Variants in C10orf90 observed in about 807,000 individuals in gnomAD.
The protein encoded by C10orf90 is (E2-independent) E3 ubiquitin-conjugating enzyme FATS.
C10orf90 carries 56 observed loss-of-function variants against 62.5 expected under a neutral mutation model. The observed-to-expected ratio is 0.90, with a 90% CI of 0.72 to 1.12. The LOEUF (loss-of-function observed/expected upper bound fraction) is 1.12, where lower values mean the gene tolerates loss of function less well. Ranked by LOEUF, C10orf90 falls within the 50% of genes most tolerant of loss-of-function variation. The pLI is 0.00. For missense variants in C10orf90, 970 were observed against 880.4 expected (o/e 1.10, Z -1.29); for synonymous variants, 386 against 340.4 (o/e 1.13, Z -1.47).
intron 8 of C10orf90, among the ~76,000 whole-genome samples, chr10:126,428,444 G>A (rs1275879541): frequency 3.9e-5 from 6 of 152,118 alleles, no homozygotes; most frequent in Admixed American, 3.9e-4. Context: ...TGATTCTGTG[G>A]GTGAGCCAGA....
rs375798404 is a variant in C10orf90, at chr10:126,563,308, C to T, written c.314-49369G>A. Among the ~76,000 whole-genome samples, 49 of 152,328 alleles carry T rather than the reference C, an allele frequency of 3.2e-4. No individual in the cohort carries two copies. In the South Asian group the frequency reaches 0.01, roughly 32 times the overall value. ...CGCATCTGGCCTGTGACAGAATGAG[C>T]CTTGAGACCCCAGCTTTTACCCCCA... On this transcript the variant is annotated intron_variant, in intron 2 of 9. Coordinates refer to ENST00000488181, the MANE Select transcript of C10orf90 (RefSeq NM_001350921.2).
At chr10:126,543,603 CCT>C (rs1262103531) in intron 2 of C10orf90, among the ~76,000 whole-genome samples, 1 of 152,152 alleles carries the variant, frequency 6.6e-6, no homozygotes, top group East Asian at 1.9e-4. Flanking sequence ...GACCCCATTC[CCT>C]GAGACCAAGC....
chr10:126,495,685 A>T (rs997215213), intron 4 of C10orf90, among the ~76,000 whole-genome samples: 8 of 152,216 alleles, frequency 5.3e-5, no homozygotes, highest in African/African-American at 1.7e-4. Context: ...TTGCTTTAAG[A>T]TTATTAGGAA....
At chr10:126,530,297 A>G (rs1379432207) in intron 2 of C10orf90, among the ~76,000 whole-genome samples, 1 of 152,178 alleles carries the variant, frequency 6.6e-6, no homozygotes, top group Admixed American at 6.5e-5. Context: ...AATGATAGAA[A>G]AACTTGACAA....
At chr10:126,586,011 C>T (rs1844862964) in intron 2 of C10orf90, among the ~76,000 whole-genome samples, 1 of 152,230 alleles carries the variant, frequency 6.6e-6, no homozygotes, top group African/African-American at 2.4e-5. Context: ...AGAGAAGCGA[C>T]TTAACTCTAC....
At chr10:126,579,703 A>G (rs1171640867) in intron 2 of C10orf90, among the ~76,000 whole-genome samples, 2 of 151,966 alleles carry the variant, frequency 1.3e-5, no homozygotes, top group African/African-American at 4.8e-5. Context: ...ACTGAAATCT[A>G]CCATCACTTT....
At chr10:126,508,130 T>C (rs1479907558) in intron 3 of C10orf90, among the ~76,000 whole-genome samples, 1 of 147,964 alleles carries the variant, frequency 6.8e-6, no homozygotes, top group African/African-American at 2.5e-5. Context: ...ACTGCCTGCA[T>C]AGAAACCACC....
At chr10:126,556,824 C>A (rs766718863) in intron 2 of C10orf90, among the ~76,000 whole-genome samples, 1 of 151,950 alleles carries the variant, frequency 6.6e-6, no homozygotes, top group Non-Finnish European at 1.5e-5. Context: ...GAAGTTCAAA[C>A]ACTGTGAACA....
intron 2 of C10orf90, among the ~76,000 whole-genome samples, chr10:126,538,815 T>A (rs553036630): frequency 6.6e-6 from 1 of 152,324 alleles, no homozygotes; most frequent in South Asian, 2.1e-4. Context: ...ATTCTAGATA[T>A]GGCTCCCATC....
intron 2 of C10orf90, among the ~76,000 whole-genome samples, chr10:126,581,460 A>T (rs1371963874): frequency 6.6e-6 from 1 of 152,190 alleles, no homozygotes; most frequent in East Asian, 1.9e-4. Context: ...TTCTTCAGGG[A>T]TGCTGCACTC....
rs570481635 is a variant in C10orf90, at chr10:126,452,302, A to C, written c.2188+6738T>G. Among the ~76,000 whole-genome samples the C allele has an allele frequency of 2.4e-4, 37 of 152,312 alleles. No homozygotes were observed. In the East Asian group the frequency reaches 3.7e-3, roughly 15 times the overall value. Reference sequence around the variant, plus strand: ...AGGAATTTTATCAATGACTTGAATCACAACCTCACCATAAAACAGCTACAT... The same window carrying C: ...AGGAATTTTATCAATGACTTGAATCCCAACCTCACCATAAAACAGCTACAT... On this transcript the variant is annotated intron_variant, in intron 7 of 9. Transcript: ENST00000488181.
chr10:126,466,695 G>A (rs1161623349), intron 4 of C10orf90, among the ~76,000 whole-genome samples: 1 of 152,134 alleles, frequency 6.6e-6, no homozygotes, highest in African/African-American at 2.4e-5. Context: ...ACCAAGAGGG[G>A]AAGAAACCCA....
intron 2 of C10orf90, among the ~76,000 whole-genome samples, chr10:126,565,088 T>C (rs1564873945): frequency 7.7e-5 from 2 of 25,842 alleles, no homozygotes; most frequent in Non-Finnish European, 1.5e-4. Flanking sequence ...ATATAAAATA[T>C]ATATTATATA....
At chr10:126,560,131 TC>T (rs1864867521) in intron 2 of C10orf90, among the ~76,000 whole-genome samples, 1 of 151,904 alleles carries the variant, frequency 6.6e-6, no homozygotes, top group Non-Finnish European at 1.5e-5. Flanking sequence ...GCTCCATTGT[TC>T]CCCCCAACAA....
intron 1 of C10orf90, among the ~76,000 whole-genome samples, chr10:126,652,565 C>G (rs1250615995): frequency 3.3e-5 from 5 of 152,160 alleles, no homozygotes; most frequent in African/African-American, 1.2e-4. Flanking sequence ...CCCTGGCTGT[C>G]TAATGAGATG....
At chr10:126,662,458 G>C (rs895154908) in intron 1 of C10orf90, among the ~76,000 whole-genome samples, 8 of 152,158 alleles carry the variant, frequency 5.3e-5, no homozygotes, top group African/African-American at 1.9e-4. Context: ...ACTTAAGAGG[G>C]CCTGAAGCAA....
At chr10:126,460,527 C>T (rs143663508) in intron 6 of C10orf90, among the ~76,000 whole-genome samples, 1,978 of 152,330 alleles carry the variant, frequency 0.013, 37 homozygotes, top group African/African-American at 0.044. Context: ...TGGTGCCAGC[C>T]ACCAGGAACA....
chr10:126,598,867 C>G (rs1037156681), intron 2 of C10orf90, among the ~76,000 whole-genome samples: 2 of 152,040 alleles, frequency 1.3e-5, no homozygotes, highest in African/African-American at 4.8e-5. Context: ...TTTTTCTTTC[C>G]TTTTTTCGTC....
intron 7 of C10orf90, among the ~76,000 whole-genome samples, chr10:126,455,515 C>T (rs1859492600): frequency 6.6e-6 from 1 of 152,360 alleles, no homozygotes; most frequent in East Asian, 1.9e-4. Flanking sequence ...CTGTGCCTAG[C>T]ACTGTGTGGG....
Sources: gnomAD v4.1 joint callset for allele counts (sites outside exome capture counted in the v4.1 genomes callset) on GRCh38, gnomAD v4.1.1 for gene constraint, MANE v1.5 for transcripts, NCBI Gene and HGNC (gene_info 2026-07-23, HGNC 2026-07-21) for gene names.